Variants in PDGFC observed in about 807,000 individuals in gnomAD.
PDGFC encodes the protein platelet derived growth factor C.
PDGFC carries 12 observed loss-of-function variants against 35.5 expected under a neutral mutation model. The ratio of observed to expected loss-of-function variants is 0.34; its 90% confidence interval spans 0.22 to 0.55. PDGFC has a LOEUF of 0.55. PDGFC is among the 20% of genes least tolerant of loss of function. The pLI, the probability that PDGFC is intolerant of heterozygous loss-of-function variation, is 0.91. For missense variants in PDGFC, 322 were observed against 412.4 expected, an observed-to-expected ratio of 0.78 and a Z score of 1.90; for synonymous variants, 159 against 148.8, an observed-to-expected ratio of 1.07 and a Z score of -0.50.
chr4:156,859,744 TA>T (rs1256782818), intron 1 of PDGFC, among the ~76,000 whole-genome samples: 1 of 152,112 alleles, frequency 6.6e-6, no homozygotes. Flanking sequence ...AACCATAAAT[TA>T]ATAAGAAAGC....
Position 156,884,506 on chromosome 4 carries a change from T to C in PDGFC, c.119-34090A>G, listed in dbSNP as rs1730328834. On this transcript the variant is annotated intron_variant, in intron 1 of 5. Coordinates refer to ENST00000502773, the MANE Select transcript of PDGFC (RefSeq NM_016205.3). ...GAGTTTCCAGCCATATATCTAACAG[T>C]TTAATATCTTAGACAGTCGAGTATC... Among the ~76,000 whole-genome samples, 4 of 152,168 alleles carry C rather than the reference T, an allele frequency of 2.6e-5. No individual in the cohort carries two copies. The South Asian group carries it at 8.3e-4, about 31-fold the overall frequency.
chr4:156,791,499 C>T (rs1021868283), intron 3 of PDGFC, among the ~76,000 whole-genome samples: 3 of 148,076 alleles, frequency 2.0e-5, no homozygotes, highest in African/African-American at 7.5e-5. Context: ...AGCTTTAGGA[C>T]AGTTTAAAAA....
At chr4:156,844,974 G>T (rs191108545) in intron 2 of PDGFC, among the ~76,000 whole-genome samples, 1 of 151,810 alleles carries the variant, frequency 6.6e-6, no homozygotes, top group African/African-American at 2.4e-5. Context: ...GCAAAAACAT[G>T]CATTCTTTGA....
intron 1 of PDGFC, among the ~76,000 whole-genome samples, chr4:156,890,361 C>G (rs1458763123): frequency 2.0e-5 from 3 of 152,162 alleles, no homozygotes; most frequent in Non-Finnish European, 4.4e-5. Context: ...GCCCCCTGCA[C>G]CCATCATTCC....
At chr4:156,866,783 T>C (rs959288265) in intron 1 of PDGFC, among the ~76,000 whole-genome samples, 3 of 140,848 alleles carry the variant, frequency 2.1e-5, no homozygotes, top group African/African-American at 8.6e-5. Context: ...TTGCTTAACA[T>C]TAATTAAAAC....
At chr4:156,863,769 TA>T (rs1729771760) in intron 1 of PDGFC, among the ~76,000 whole-genome samples, 2 of 152,120 alleles carry the variant, frequency 1.3e-5, no homozygotes, top group African/African-American at 4.8e-5. Flanking sequence ...GTAAATTTCA[TA>T]TTAACTTAGA....
intron 1 of PDGFC, among the ~76,000 whole-genome samples, chr4:156,871,406 T>C (rs1379062089): frequency 6.6e-6 from 1 of 152,140 alleles, no homozygotes; most frequent in Non-Finnish European, 1.5e-5. Flanking sequence ...TTCTGAGATT[T>C]TGATTTCCAA....
chr4:156,970,919 G>T lies in PDGFC; in HGVS notation c.-16C>A, dbSNP rs1045424867. The T allele has an allele frequency of 6.5e-7, 1 of 1,544,726 alleles. No homozygotes were observed. Among genetic ancestry groups the T allele is most frequent in the East Asian group, 2.3e-5 (1 of 44,398 alleles). On this transcript the variant is annotated 5_prime_UTR_variant, in exon 1 of 6. The change creates a premature stop within an existing upstream ORF in the 5' untranslated region. Transcript: ENST00000502773. ...AGAGGCTCATTTGGCTGACTGGGGT[G>T]AGAGCTCACTCACGGCGGGCACTTT...
At chr4:156,838,399 T>C (rs1317045653) in intron 2 of PDGFC, among the ~76,000 whole-genome samples, 1 of 152,220 alleles carries the variant, frequency 6.6e-6, no homozygotes, top group Admixed American at 6.5e-5. Context: ...ATATGGATAC[T>C]TGGTCCAAAC....
chr4:156,886,869 T>C (rs1024812158), intron 1 of PDGFC: 1 of 152,242 alleles, frequency 6.6e-6, no homozygotes, highest in Non-Finnish European at 1.5e-5. Context: ...CTGGTGATGA[T>C]GCCACTGAGC....
Position 156,915,057 on chromosome 4 carries a change from C to T in PDGFC, c.118+55729G>A, listed in dbSNP as rs548773802. ...ATATGGTGGGACAACTCTCCAAAAC[C>T]ACACACACACAAAAAAATGGCCAAA... is the stretch of plus-strand genomic sequence containing the variant. On this transcript the variant is annotated intron_variant, in intron 1 of 5. Coordinates refer to ENST00000502773, the MANE Select transcript of PDGFC (RefSeq NM_016205.3). 2.7e-3 allele frequency among the ~76,000 whole-genome samples: 409 copies of T among 152,030 alleles called. 5 individuals are homozygous for T. The highest frequency in any genetic ancestry group is 9.6e-3 in the African/African-American group (396 of 41,458).
chr4:156,779,232 G>T (rs1357271296), intron 3 of PDGFC: 5 of 446,886 alleles, frequency 1.1e-5, no homozygotes, highest in African/African-American at 2.0e-5. Flanking sequence ...GTTCTTATCC[G>T]AATTCATTCA....
At chr4:156,899,089 T>C (rs947543966) in intron 1 of PDGFC, among the ~76,000 whole-genome samples, 1 of 152,198 alleles carries the variant, frequency 6.6e-6, no homozygotes, top group African/African-American at 2.4e-5. Flanking sequence ...CAGTAAAATA[T>C]AGTATAATTG....
intron 2 of PDGFC, among the ~76,000 whole-genome samples, chr4:156,849,904 A>G (rs762276591): frequency 4.6e-5 from 7 of 152,022 alleles, no homozygotes; most frequent in Admixed American, 1.3e-4. Flanking sequence ...TTCTAGCACA[A>G]CTACAGTCCT....
At chr4:156,852,897 C>G (rs577168987) in intron 1 of PDGFC, among the ~76,000 whole-genome samples, 1 of 152,280 alleles carries the variant, frequency 6.6e-6, no homozygotes, top group South Asian at 2.1e-4. Context: ...AAATGAACAA[C>G]TCAGTTCTGA....
intron 1 of PDGFC, among the ~76,000 whole-genome samples, chr4:156,890,689 T>C (rs185901004): frequency 1.1e-4 from 17 of 152,254 alleles, no homozygotes; most frequent in East Asian, 7.7e-4. Context: ...TTTACCTAAC[T>C]CATAACACAG....
rs909709963 is a variant in PDGFC, at chr4:156,971,341, G to A, written c.-438C>T. The A allele has an allele frequency of 2.8e-5, 11 of 399,282 alleles. No homozygotes were observed. The highest frequency in any genetic ancestry group is 2.2e-4 in the Admixed American group (5 of 22,904). 24.7% of individuals were successfully genotyped at this position (399,282 alleles called of 1,614,324 possible). On this transcript the variant is annotated 5_prime_UTR_variant, in exon 1 of 6. Coordinates refer to ENST00000502773, the MANE Select transcript of PDGFC (RefSeq NM_016205.3). ...CAGCCAGACTGGAAGCCAAGTCGGC[G>A]GCGAGCAGTTTCTGATCAATAACAA...
chr4:156,925,447 G>C (rs1731385210), intron 1 of PDGFC, among the ~76,000 whole-genome samples: 1 of 152,180 alleles, frequency 6.6e-6, no homozygotes, highest in South Asian at 2.1e-4. Context: ...AATCAGGGCA[G>C]ATACAGAACC....
At chr4:156,874,032 T>C (rs1320737068) in intron 1 of PDGFC, 1 of 152,192 alleles carries the variant, frequency 6.6e-6, no homozygotes, top group Non-Finnish European at 1.5e-5. Context: ...GTGTTTATTG[T>C]GTCATATGCA....
Sources: allele counts gnomAD v4.1 joint callset (sites outside exome capture counted in the v4.1 genomes callset), GRCh38; gene constraint gnomAD v4.1.1; transcripts MANE v1.5; gene names NCBI Gene and HGNC (gene_info 2026-07-23, HGNC 2026-07-21).